The following LINGO2 variants were observed in gnomAD, a reference collection of about 807,000 sequenced individuals.
The protein encoded by LINGO2 is leucine rich repeat and Ig domain containing 2.
A neutral mutation model predicts 30.6 loss-of-function variants in LINGO2; 14 were observed. That is an observed-to-expected ratio of 0.46 (90% CI 0.30 to 0.72). The LOEUF is 0.72. Among genes scored for constraint, LINGO2 ranks in the 30% least tolerant of loss-of-function variants. The pLI, the probability that LINGO2 is intolerant of heterozygous loss-of-function variation, is 0.07. For missense variants in LINGO2, 729 were observed against 751.7 expected (o/e 0.97, Z 0.35); for synonymous variants, 317 against 288.5 (o/e 1.10, Z -1.00).
intron 4 of LINGO2, among the ~76,000 whole-genome samples, chr9:28,167,668 T>G (rs537115802): frequency 1.4e-3 from 213 of 152,352 alleles, no homozygotes; most frequent in African/African-American, 5.0e-3. Flanking sequence ...ATTACAGGTG[T>G]GAGCCACTGC....
chr9:28,720,613 G>A, the LINGO2 span, among the ~76,000 whole-genome samples: 1 of 151,422 alleles, frequency 6.6e-6, no homozygotes, highest in Non-Finnish European at 1.5e-5. Flanking sequence ...AGAATTCAAG[G>A]GAAAAAAGGA....
intron 2 of LINGO2, among the ~76,000 whole-genome samples, chr9:28,448,837 C>T (rs1168792469): frequency 1.3e-5 from 2 of 150,970 alleles, no homozygotes; most frequent in Non-Finnish European, 3.0e-5. Flanking sequence ...AGCCACAATA[C>T]CTAGGGTAAG....
chr9:28,295,783 C>A (rs4524882), intron 3 of LINGO2, among the ~76,000 whole-genome samples: 35 of 152,138 alleles, frequency 2.3e-4, no homozygotes, highest in African/African-American at 7.7e-4. Flanking sequence ...GCAGTTAGAG[C>A]GAAATCCACA....
At chr9:29,044,939 T>C in the LINGO2 span, among the ~76,000 whole-genome samples, 1 of 152,160 alleles carries the variant, frequency 6.6e-6, no homozygotes, top group African/African-American at 2.4e-5. Context: ...AGTACAAGTA[T>C]ATTAAAAAGT....
chr9:28,102,093 G>A (rs751161929), intron 4 of LINGO2, among the ~76,000 whole-genome samples: 8 of 151,868 alleles, frequency 5.3e-5, no homozygotes, highest in African/African-American at 1.2e-4. Context: ...CAGAGACCAC[G>A]TTGGAATCAA....
rs1474980491 is a variant in LINGO2, at chr9:28,045,302, G to C, written c.-86-32897C>G. ...CTATTTTTAACCTCACCCTGACAGA[G>C]GGAGAGTTAAACTTTGAGTATTTTA... On this transcript the variant is annotated intron_variant, in intron 4 of 5. Coordinates refer to ENST00000379992, the Ensembl canonical transcript of LINGO2. Among the ~76,000 whole-genome samples the C allele has an allele frequency of 2.0e-5, 3 of 151,430 alleles. No individual in the cohort carries two copies. In the South Asian group the frequency reaches 6.2e-4, roughly 31 times the overall value.
chr9:28,009,830 A>C (rs1822465874), intron 5 of LINGO2, among the ~76,000 whole-genome samples: 1 of 152,206 alleles, frequency 6.6e-6, no homozygotes, highest in Non-Finnish European at 1.5e-5. Context: ...TACTATGGTA[A>C]CATAGGTGTA....
intron 2 of LINGO2, among the ~76,000 whole-genome samples, chr9:28,383,379 C>G (rs1465611883): frequency 2.6e-5 from 4 of 151,764 alleles, no homozygotes; most frequent in African/African-American, 9.7e-5. Flanking sequence ...TTTAATCTTC[C>G]ACAAGTGACC....
the LINGO2 span, among the ~76,000 whole-genome samples, chr9:29,173,641 A>G: frequency 1.3e-5 from 2 of 152,106 alleles, no homozygotes; most frequent in Non-Finnish European, 2.9e-5. Flanking sequence ...TGTGAGATTA[A>G]TTCTACTAAA....
chr9:28,755,553 T>A, the LINGO2 span, among the ~76,000 whole-genome samples: 1 of 152,144 alleles, frequency 6.6e-6, no homozygotes, highest in African/African-American at 2.4e-5. Context: ...CTGCCAAGGC[T>A]ATGTGCATAA....
intron 4 of LINGO2, among the ~76,000 whole-genome samples, chr9:28,016,304 G>GT (rs1822833568): frequency 3.9e-5 from 6 of 152,120 alleles, no homozygotes; most frequent in Non-Finnish European, 7.4e-5. Context: ...TTCCGTTGCA[G>GT]ATCCCACCAC....
At chr9:28,990,315 A>G in the LINGO2 span, among the ~76,000 whole-genome samples, 1 of 152,192 alleles carries the variant, frequency 6.6e-6, no homozygotes, top group South Asian at 2.1e-4. Flanking sequence ...GGTGCCCACC[A>G]TTGCCCAGAT....
chr9:28,716,159 A>T, the LINGO2 span, among the ~76,000 whole-genome samples: 2 of 151,666 alleles, frequency 1.3e-5, no homozygotes, highest in Non-Finnish European at 2.9e-5. Context: ...CTTTTTCAGC[A>T]TTAAAAAAAA....
chr9:29,067,742 G>A, the LINGO2 span, among the ~76,000 whole-genome samples: 1 of 138,632 alleles, frequency 7.2e-6, no homozygotes. Context: ...AGTAAAACAA[G>A]GAGTATTTAA....
At chr9:28,237,019 C>G (rs992103824) in intron 4 of LINGO2, among the ~76,000 whole-genome samples, 2 of 144,538 alleles carry the variant, frequency 1.4e-5, no homozygotes, top group African/African-American at 5.2e-5. Context: ...TATACAAGTA[C>G]TATGTACTGC....
At chr9:28,353,491 A>G (rs921466826) in intron 3 of LINGO2, among the ~76,000 whole-genome samples, 1 of 152,082 alleles carries the variant, frequency 6.6e-6, no homozygotes, top group Non-Finnish European at 1.5e-5. Flanking sequence ...TTCATTAAAA[A>G]GTCAGGAAAC....
chr9:29,163,485 T>C, the LINGO2 span, among the ~76,000 whole-genome samples: 1 of 152,130 alleles, frequency 6.6e-6, no homozygotes, highest in African/African-American at 2.4e-5. Context: ...ACAGGAAACA[T>C]GAAACATGCT....
intron 1 of LINGO2, among the ~76,000 whole-genome samples, chr9:28,638,569 T>C (rs1176698712): frequency 1.3e-5 from 2 of 152,176 alleles, no homozygotes; most frequent in African/African-American, 4.8e-5. Flanking sequence ...TGTCGAGGAA[T>C]TTACCCATTT....
At chr9:28,406,288 T>A (rs1822512158) in intron 2 of LINGO2, among the ~76,000 whole-genome samples, 2 of 151,494 alleles carry the variant, frequency 1.3e-5, no homozygotes, top group African/African-American at 4.9e-5. Context: ...ATATAAAAAT[T>A]AGCTGGGCAT....
Sources: allele counts gnomAD v4.1 joint callset (sites outside exome capture counted in the v4.1 genomes callset), GRCh38; gene constraint gnomAD v4.1.1; transcripts MANE v1.5; gene names NCBI Gene and HGNC (gene_info 2026-07-23, HGNC 2026-07-21).